The following SYN3 variants were observed in gnomAD, a reference collection of about 807,000 sequenced individuals.
SYN3 encodes synapsin-3.
In SYN3, 35 loss-of-function variants were observed where a neutral mutation model predicts 65.8. The observed-to-expected ratio is 0.53, with a 90% confidence interval of 0.41 to 0.70. The LOEUF (loss-of-function observed/expected upper bound fraction) is 0.70. SYN3 is among the 30% of genes least tolerant of loss of function. The pLI is 0.00. For synonymous variants in SYN3, 270 were observed against 292.9 expected, an observed-to-expected ratio of 0.92 and a Z score of 0.80; for missense variants, 680 against 749.0, an observed-to-expected ratio of 0.91 and a Z score of 1.08.
At chr22:32,648,095 C>T (rs918547139) in intron 6 of SYN3, among the ~76,000 whole-genome samples, 2 of 151,952 alleles carry the variant, frequency 1.3e-5, no homozygotes, top group Admixed American at 1.3e-4. Context: ...AACTCCTGGC[C>T]TCAAGCAGTC....
At position 32,760,715 on chromosome 22, in the gene SYN3, C is replaced by T. The variant is rs531812813; in HGVS notation, c.711+104200G>A. 1.3e-4 allele frequency among the ~76,000 whole-genome samples: 20 copies of T among 152,240 alleles called. 1 individual carries two copies. Among genetic ancestry groups the T allele is most frequent in the African/African-American group, 4.8e-4 (20 of 41,532 alleles). ...GTCCTTCCCCACTGGTTCAGAGGGG[C>T]GGTGTAAAGACAGACAGGGAGAGAA... On this transcript the variant is annotated intron_variant, in intron 6 of 13. Transcript: ENST00000358763.
At chr22:32,830,409 T>C (rs2047538368) in intron 6 of SYN3, among the ~76,000 whole-genome samples, 1 of 152,130 alleles carries the variant, frequency 6.6e-6, no homozygotes, top group Non-Finnish European at 1.5e-5. Context: ...CGACAGTCTA[T>C]AGCTAGGAGG....
At chr22:32,772,147 T>C (rs2045786264) in intron 6 of SYN3, among the ~76,000 whole-genome samples, 1 of 152,116 alleles carries the variant, frequency 6.6e-6, no homozygotes. Context: ...ACTTCCCTCA[T>C]TCTTTCTGTC....
chr22:32,632,064 C>T (rs2059754428), intron 6 of SYN3, among the ~76,000 whole-genome samples: 1 of 152,214 alleles, frequency 6.6e-6, no homozygotes, highest in African/African-American at 2.4e-5. Context: ...AGTGGCTGCC[C>T]TAGACAGATA....
intron 3 of SYN3, among the ~76,000 whole-genome samples, chr22:32,955,563 C>A (rs966649755): frequency 1.3e-5 from 2 of 152,084 alleles, no homozygotes; most frequent in African/African-American, 4.8e-5. Flanking sequence ...TCATTTTAAT[C>A]CTTTTTTAAG....
chr22:33,012,386 C>T (rs959434670), intron 1 of SYN3, among the ~76,000 whole-genome samples: 1 of 152,074 alleles, frequency 6.6e-6, no homozygotes, highest in African/African-American at 2.4e-5. Flanking sequence ...AGGTTTTAAA[C>T]CTTTGCCGTT....
chr22:33,005,580 A>AG (rs1333661892), intron 2 of SYN3, among the ~76,000 whole-genome samples: 1 of 152,224 alleles, frequency 6.6e-6, no homozygotes, highest in East Asian at 1.9e-4. Context: ...ATCTTGACAC[A>AG]GGTATCAGGT....
Position 32,703,873 on chromosome 22 carries a change from T to TA in SYN3, c.712-107138dup, listed in dbSNP as rs1346802361. On this transcript the variant is annotated intron_variant, in intron 6 of 13. Transcript: ENST00000358763. ...CTATTTATTTCAAATGCATTTTTGATAAAAATCATTGAAATATTTTTGGTT... is the reference window on the plus strand; with the variant it reads ...CTATTTATTTCAAATGCATTTTTGATAAAAAATCATTGAAATATTTTTGGTT... 2.0e-5 allele frequency among the ~76,000 whole-genome samples: 3 copies of TA among 152,300 alleles called. No individual in the cohort carries two copies. In the East Asian group the frequency reaches 5.8e-4, roughly 29 times the overall value.
chr22:32,661,419 C>T (rs963790653), intron 6 of SYN3, among the ~76,000 whole-genome samples: 3 of 152,260 alleles, frequency 2.0e-5, no homozygotes, highest in African/African-American at 4.8e-5. Context: ...GATGGCCTGG[C>T]GGCCCGCCGT....
chr22:32,564,940 CCAAA>C (rs1310683573), intron 7 of SYN3, among the ~76,000 whole-genome samples: 1 of 91,472 alleles, frequency 1.1e-5, no homozygotes, highest in African/African-American at 3.8e-5. Context: ...CGGATTGTAC[CCAAA>C]CAGTGCTCCT....
chr22:32,721,742 G>A lies in SYN3; in HGVS notation c.712-125006C>T, dbSNP rs374795178. 5.9e-5 allele frequency among the ~76,000 whole-genome samples: 9 copies of A among 152,276 alleles called. No individual in the cohort carries two copies. In the East Asian group the frequency reaches 1.2e-3, roughly 20 times the overall value. ...TATCATTCTAGTGAAGGGGGCAGAT[G>A]GTAAACAACTGAACAATTAAGTAAA... is the stretch of plus-strand genomic sequence containing the variant. On this transcript the variant is annotated intron_variant, in intron 6 of 13. Transcript: ENST00000358763.
chr22:32,625,918 A>T (rs2059659959), intron 6 of SYN3, among the ~76,000 whole-genome samples: 1 of 152,216 alleles, frequency 6.6e-6, no homozygotes, highest in Admixed American at 6.5e-5. Flanking sequence ...CGATAACCGT[A>T]AGTCAAGGCC....
At chr22:32,798,252 C>T (rs2046475651) in intron 6 of SYN3, among the ~76,000 whole-genome samples, 1 of 151,976 alleles carries the variant, frequency 6.6e-6, no homozygotes, top group Non-Finnish European at 1.5e-5. Context: ...GGGCACTGTA[C>T]AAAGACTCAA....
At chr22:32,742,298 T>TAA (rs1357621302) in intron 6 of SYN3, among the ~76,000 whole-genome samples, 2 of 151,848 alleles carry the variant, frequency 1.3e-5, no homozygotes, top group African/African-American at 4.8e-5. Context: ...AATAAATAAG[T>TAA]AAATAAATAC....
intron 7 of SYN3, among the ~76,000 whole-genome samples, chr22:32,570,477 T>C (rs2058744208): frequency 6.6e-6 from 1 of 151,996 alleles, no homozygotes; most frequent in Admixed American, 6.6e-5. Flanking sequence ...GATTAAAACA[T>C]TGAATTTTAA....
intron 1 of SYN3, among the ~76,000 whole-genome samples, chr22:33,040,139 AT>A (rs949799858): frequency 1.1e-4 from 12 of 111,774 alleles, no homozygotes; most frequent in East Asian, 3.9e-4. Context: ...TTTTTTTTGT[AT>A]TTTTAATATA....
rs5754241 is a variant in SYN3 at position 32,739,185 on chromosome 22, G to T, written c.711+125730C>A. On this transcript the variant is annotated intron_variant, in intron 6 of 13. Coordinates refer to ENST00000358763, the MANE Select transcript of SYN3 (RefSeq NM_003490.4). Reference sequence around the variant, plus strand: ...GATAATTGAATCACAGGGGGGGGGCGGTTTCCCCCATACTGTTCTCGTGAT... The same window carrying T: ...GATAATTGAATCACAGGGGGGGGGCTGTTTCCCCCATACTGTTCTCGTGAT... Among the ~76,000 whole-genome samples the T allele has an allele frequency of 3.7e-3, 554 of 151,632 alleles. 2 individuals are homozygous for T. Among genetic ancestry groups the T allele is most frequent in the East Asian group, 0.014 (74 of 5,142 alleles).
intron 3 of SYN3, among the ~76,000 whole-genome samples, chr22:32,972,813 C>T (rs564736164): frequency 2.5e-4 from 38 of 151,456 alleles, no homozygotes; most frequent in African/African-American, 8.0e-4. Context: ...GGCAACATCG[C>T]GATGCCTTAT....
chr22:32,992,886 G>A (rs2052762590), intron 2 of SYN3, among the ~76,000 whole-genome samples: 1 of 152,096 alleles, frequency 6.6e-6, no homozygotes, highest in Non-Finnish European at 1.5e-5. Flanking sequence ...ATCATTGCAG[G>A]GGAACATCTC....
Sources: allele counts gnomAD v4.1 joint callset (sites outside exome capture counted in the v4.1 genomes callset), GRCh38; gene constraint gnomAD v4.1.1; transcripts MANE v1.5; gene names NCBI Gene and HGNC (gene_info 2026-07-23, HGNC 2026-07-21).